ST6GALNAC3: variants seen among roughly 807,000 people sequenced by gnomAD.
ST6GALNAC3 encodes the protein alpha-N-acetylgalactosaminide alpha-2,6-sialyltransferase 3.
ST6GALNAC3 carries 25 observed loss-of-function variants against 32.7 expected under a neutral mutation model. That is an observed-to-expected ratio of 0.76 (90% confidence interval 0.56 to 1.07). The LOEUF (loss-of-function observed/expected upper bound fraction) is 1.07, where lower values mean the gene tolerates loss of function less well. Ranked by LOEUF, ST6GALNAC3 falls within the 50% of genes least tolerant of loss-of-function variation. The pLI, the probability that ST6GALNAC3 is intolerant of heterozygous loss-of-function variation, is 0.00. For synonymous variants in ST6GALNAC3, 129 were observed against 133.1 expected (o/e 0.97, Z 0.21); for missense variants, 355 against 382.4 (o/e 0.93, Z 0.60).
At chr1:76,522,279 G>T (rs1303952983) in intron 3 of ST6GALNAC3, among the ~76,000 whole-genome samples, 1 of 151,960 alleles carries the variant, frequency 6.6e-6, no homozygotes, top group East Asian at 1.9e-4. Flanking sequence ...GGTTTAAAAA[G>T]TGTTTATTAT....
At chr1:76,121,029 C>G (rs937215790) in intron 1 of ST6GALNAC3, among the ~76,000 whole-genome samples, 8 of 152,186 alleles carry the variant, frequency 5.3e-5, no homozygotes, top group African/African-American at 1.9e-4. Context: ...TTCTCTGACT[C>G]TGGCCCTCCT....
intron 1 of ST6GALNAC3, among the ~76,000 whole-genome samples, chr1:76,219,851 T>C (rs142586607): frequency 6.6e-6 from 1 of 152,194 alleles, no homozygotes; most frequent in Non-Finnish European, 1.5e-5. Flanking sequence ...AAGTTAGGAT[T>C]GGAGAGTTGC....
intron 1 of ST6GALNAC3, among the ~76,000 whole-genome samples, chr1:76,076,031 C>T (rs1263071111): frequency 2.0e-5 from 3 of 152,128 alleles, no homozygotes; most frequent in Non-Finnish European, 4.4e-5. Context: ...CCCTTCTTTG[C>T]GTAAAGGAGA....
At chr1:76,246,333 A>G (rs531614637) in intron 1 of ST6GALNAC3, among the ~76,000 whole-genome samples, 11 of 152,284 alleles carry the variant, frequency 7.2e-5, no homozygotes, top group Non-Finnish European at 1.5e-4. Flanking sequence ...TTCTGGATAC[A>G]GCACACCAAT....
At chr1:76,505,014 AG>A (rs1479933801) in intron 3 of ST6GALNAC3, among the ~76,000 whole-genome samples, 7 of 152,226 alleles carry the variant, frequency 4.6e-5, no homozygotes, top group Non-Finnish European at 1.5e-5. Flanking sequence ...TTTCCGTCAT[AG>A]TCCTGCTAAA....
chr1:76,538,214 T>C (rs315073), intron 3 of ST6GALNAC3, among the ~76,000 whole-genome samples: 27,777 of 152,070 alleles, frequency 0.18, 4,123 homozygotes, highest in African/African-American at 0.41. Context: ...TCTGGTTCAA[T>C]GTACACAAAT....
At chr1:76,559,562 A>G (rs574090611) in intron 3 of ST6GALNAC3, among the ~76,000 whole-genome samples, 1 of 152,198 alleles carries the variant, frequency 6.6e-6, no homozygotes, top group Non-Finnish European at 1.5e-5. Flanking sequence ...TTCAAAGGGT[A>G]CCATCAAGAA....
chr1:76,272,500 A>G (rs1340077425), intron 1 of ST6GALNAC3, among the ~76,000 whole-genome samples: 2 of 152,208 alleles, frequency 1.3e-5, no homozygotes, highest in Non-Finnish European at 1.5e-5. Flanking sequence ...AGGCAGAATC[A>G]GAATCGAAGC....
Position 76,249,710 on chromosome 1 carries a change from T to C in ST6GALNAC3, c.19-64095T>C, listed in dbSNP as rs547072288. 2.0e-5 allele frequency among the ~76,000 whole-genome samples: 3 copies of C among 152,334 alleles called. No individual in the cohort carries two copies. The South Asian group carries it at 6.2e-4, about 32-fold the overall frequency. On this transcript the variant is annotated intron_variant, in intron 1 of 4. Coordinates refer to ENST00000328299, the MANE Select transcript of ST6GALNAC3 (RefSeq NM_152996.4). The stretch of plus-strand genomic sequence containing the variant: ...TGTTTTCATAAGTGGCTGAATCATT[T>C]TACAATCCTACCAGAAATGTATGAG...
At chr1:76,221,918 C>A (rs115818213) in intron 1 of ST6GALNAC3, among the ~76,000 whole-genome samples, 1 of 152,044 alleles carries the variant, frequency 6.6e-6, no homozygotes, top group East Asian at 1.9e-4. Context: ...CAGGTCTTGG[C>A]GTGAGCTTTG....
chr1:76,274,141 A>C (rs1212730474), intron 1 of ST6GALNAC3, among the ~76,000 whole-genome samples: 1 of 152,240 alleles, frequency 6.6e-6, no homozygotes, highest in African/African-American at 2.4e-5. Context: ...GTCATCTCTC[A>C]ATAATAAAAA....
chr1:76,560,298 A>G (rs928331507), intron 3 of ST6GALNAC3, among the ~76,000 whole-genome samples: 2 of 152,180 alleles, frequency 1.3e-5, no homozygotes, highest in Non-Finnish European at 2.9e-5. Context: ...GAGATACCCC[A>G]AAAGTAGAGG....
intron 1 of ST6GALNAC3, among the ~76,000 whole-genome samples, chr1:76,166,966 C>T (rs1652161726): frequency 6.6e-6 from 1 of 152,102 alleles, no homozygotes; most frequent in African/African-American, 2.4e-5. Flanking sequence ...AGTTTGACTT[C>T]CTCTCTTCCG....
rs146132033 is a variant in ST6GALNAC3 at position 76,369,212 on chromosome 1, T to A, written c.214-42796T>A. On this transcript the variant is annotated intron_variant, in intron 2 of 4. Coordinates refer to ENST00000328299, the MANE Select transcript of ST6GALNAC3 (RefSeq NM_152996.4). ...GGGCTCAGTTCTTGGGAAGACTTAC[T>A]TCCCAGGAAGCTCCTCTGTGTCTCT... Among the ~76,000 whole-genome samples the A allele has an allele frequency of 7.0e-4, 107 of 152,196 alleles. 2 individuals carry two copies. The East Asian group carries it at 0.019, about 28-fold the overall frequency.
At chr1:76,224,642 G>A (rs74488950) in intron 1 of ST6GALNAC3, among the ~76,000 whole-genome samples, 1,905 of 152,280 alleles carry the variant, frequency 0.013, 31 homozygotes, top group African/African-American at 0.044. Context: ...TGAAACAAAA[G>A]ATTTCTGGTG....
chr1:76,147,328 G>T (rs944379309), intron 1 of ST6GALNAC3, among the ~76,000 whole-genome samples: 8 of 152,146 alleles, frequency 5.3e-5, no homozygotes, highest in African/African-American at 1.9e-4. Context: ...CTCCCAAAGT[G>T]CTGGGATTAC....
At chr1:76,194,657 A>G (rs139284366) in intron 1 of ST6GALNAC3, among the ~76,000 whole-genome samples, 12 of 152,220 alleles carry the variant, frequency 7.9e-5, no homozygotes, top group Middle Eastern at 6.8e-3. Flanking sequence ...TTCTGGATTT[A>G]CTCTGTTGCA....
chr1:76,635,441 A>T (rs1649480867), downstream of ST6GALNAC3, among the ~76,000 whole-genome samples: 1 of 152,156 alleles, frequency 6.6e-6, no homozygotes, highest in Non-Finnish European at 1.5e-5. Context: ...ATACTTTATG[A>T]GGTACATAAT....
At chr1:76,435,814 C>T (rs4478861) in intron 3 of ST6GALNAC3, among the ~76,000 whole-genome samples, 112,752 of 151,828 alleles carry the variant, frequency 0.74, 42,294 homozygotes, top group Admixed American at 0.79. Context: ...AGAATAGCAA[C>T]CAACAACAGA....
Sources: gnomAD v4.1 joint callset for allele counts (sites outside exome capture counted in the v4.1 genomes callset) on GRCh38, gnomAD v4.1.1 for gene constraint, MANE v1.5 for transcripts, NCBI Gene and HGNC (gene_info 2026-07-23, HGNC 2026-07-21) for gene names.